PRKG1: variants seen among roughly 807,000 people sequenced by gnomAD.
PRKG1 encodes cGMP-dependent protein kinase 1.
PRKG1 carries 35 observed loss-of-function variants against 88.1 expected under a neutral mutation model. The observed-to-expected ratio is 0.40, with a 90% CI of 0.30 to 0.53. The LOEUF is 0.53. Ranked by LOEUF, PRKG1 falls within the 20% of genes least tolerant of loss-of-function variation. PRKG1 has a pLI of 0.59. For missense variants in PRKG1, 540 were observed against 839.8 expected (o/e 0.64, Z 4.41); for synonymous variants, 303 against 292.5 (o/e 1.04, Z -0.37).
At chr10:51,311,169 C>A (rs920381621) in intron 2 of PRKG1, among the ~76,000 whole-genome samples, 1 of 152,172 alleles carries the variant, frequency 6.6e-6, no homozygotes, top group Non-Finnish European at 1.5e-5. Context: ...AATACTTGAA[C>A]ACTAAAAAGA....
chr10:51,052,660 C>G (rs1359879618), intron 1 of PRKG1, among the ~76,000 whole-genome samples: 1 of 152,196 alleles, frequency 6.6e-6, no homozygotes, highest in African/African-American at 2.4e-5. Context: ...GTAGAGAATA[C>G]ATGGCTGGTA....
At chr10:52,042,191 T>C (rs1284665418) in intron 5 of PRKG1, among the ~76,000 whole-genome samples, 3 of 152,110 alleles carry the variant, frequency 2.0e-5, no homozygotes, top group Non-Finnish European at 2.9e-5. Context: ...CTCAAAATAC[T>C]AAGGGCATTC....
At chr10:51,443,312 A>C (rs1453201171) in intron 2 of PRKG1, among the ~76,000 whole-genome samples, 1 of 152,018 alleles carries the variant, frequency 6.6e-6, no homozygotes, top group African/African-American at 2.4e-5. Context: ...GGCAGAGTTG[A>C]GTAGCTGTAG....
At chr10:51,493,944 C>A (rs574473535) in intron 3 of PRKG1, among the ~76,000 whole-genome samples, 2 of 152,292 alleles carry the variant, frequency 1.3e-5, no homozygotes, top group East Asian at 3.9e-4. Context: ...GGTTCTTAGG[C>A]ATGGGCAAGC....
chr10:51,765,332 T>C (rs1574738), intron 3 of PRKG1, among the ~76,000 whole-genome samples: 67,889 of 152,114 alleles, frequency 0.45, 16,070 homozygotes, highest in African/African-American at 0.56. Context: ...AAAACTCCCT[T>C]GATTCAGGGA....
chr10:51,486,675 G>A (rs768358548), intron 3 of PRKG1, among the ~76,000 whole-genome samples: 1 of 151,992 alleles, frequency 6.6e-6, no homozygotes, highest in East Asian at 1.9e-4. Context: ...TTAAGGACTG[G>A]CAAAGCTTTA....
At chr10:51,164,152 A>G (rs1427752955) in intron 2 of PRKG1, among the ~76,000 whole-genome samples, 5 of 152,182 alleles carry the variant, frequency 3.3e-5, no homozygotes, top group Non-Finnish European at 7.4e-5. Flanking sequence ...ACCCCCCAGT[A>G]GGGGCAGACT....
At chr10:51,304,246 G>T (rs1054136401) in intron 2 of PRKG1, among the ~76,000 whole-genome samples, 1 of 57,904 alleles carries the variant, frequency 1.7e-5, no homozygotes, top group Non-Finnish European at 3.9e-5. Flanking sequence ...TTGAAAATTA[G>T]TTAGAAAAGA....
intron 3 of PRKG1, among the ~76,000 whole-genome samples, chr10:51,471,010 A>G (rs1035317800): frequency 5.9e-5 from 9 of 152,126 alleles, no homozygotes; most frequent in Middle Eastern, 3.4e-3. Flanking sequence ...AAAGAAAAAA[A>G]TCGTGGTATG....
chr10:52,142,459 G>A (rs1441393758), intron 8 of PRKG1, among the ~76,000 whole-genome samples: 1 of 152,090 alleles, frequency 6.6e-6, no homozygotes, highest in African/African-American at 2.4e-5. Context: ...AAGAGGAATT[G>A]ATGGCTTATG....
intron 3 of PRKG1, among the ~76,000 whole-genome samples, chr10:51,796,981 A>G (rs949146136): frequency 3.3e-5 from 5 of 151,820 alleles, no homozygotes; most frequent in African/African-American, 1.2e-4. Context: ...TCTTGCAAGC[A>G]TATGTGGGAG....
chr10:51,257,964 T>C (rs1839608572), intron 2 of PRKG1, among the ~76,000 whole-genome samples: 1 of 152,028 alleles, frequency 6.6e-6, no homozygotes, highest in Non-Finnish European at 1.5e-5. Flanking sequence ...ATGTCCCCTA[T>C]TGGAATTAGG....
chr10:51,671,739 A>G (rs1185546693), intron 3 of PRKG1, among the ~76,000 whole-genome samples: 1 of 152,042 alleles, frequency 6.6e-6, no homozygotes, highest in Non-Finnish European at 1.5e-5. Context: ...TGCACCTGCC[A>G]CCATGCCCAG....
chr10:51,564,645 G>A lies in PRKG1; in HGVS notation c.592+96809G>A, dbSNP rs114532329. Reference sequence around the variant, plus strand: ...GCTTCAAGATATTAAGTGTTTTTCCGTACATTATGGTCTAATTCAATGACA... The same window carrying A: ...GCTTCAAGATATTAAGTGTTTTTCCATACATTATGGTCTAATTCAATGACA... On this transcript the variant is annotated intron_variant, in intron 3 of 17. Transcript: ENST00000373980. Among the ~76,000 whole-genome samples, 727 of 152,112 alleles carry A rather than the reference G, an allele frequency of 4.8e-3. 7 individuals carry two copies. Among genetic ancestry groups the A allele is most frequent in the African/African-American group, 0.016 (665 of 41,508 alleles).
chr10:52,100,189 G>T (rs1299076345), intron 7 of PRKG1, among the ~76,000 whole-genome samples: 1 of 152,148 alleles, frequency 6.6e-6, no homozygotes, highest in Admixed American at 6.5e-5. Flanking sequence ...AAAGAGACTG[G>T]ACAGGAATCC....
At chr10:52,255,530 T>A (rs539188206) in intron 10 of PRKG1, among the ~76,000 whole-genome samples, 1 of 152,192 alleles carries the variant, frequency 6.6e-6, no homozygotes, top group Admixed American at 6.6e-5. Flanking sequence ...ACATAACCTC[T>A]GTCTTTTTGG....
chr10:51,677,314 T>G (rs1840735480), intron 3 of PRKG1, among the ~76,000 whole-genome samples: 1 of 152,214 alleles, frequency 6.6e-6, no homozygotes, highest in South Asian at 2.1e-4. Context: ...TGGACACTTT[T>G]GTACCTTTCT....
chr10:52,008,577 G>T (rs564797055), intron 5 of PRKG1, among the ~76,000 whole-genome samples: 2 of 151,974 alleles, frequency 1.3e-5, no homozygotes, highest in Non-Finnish European at 2.9e-5. Context: ...TCAACCAGAA[G>T]AAATTAAATC....
chr10:52,096,349 A>C (rs1161910548), intron 7 of PRKG1, among the ~76,000 whole-genome samples: 3 of 152,208 alleles, frequency 2.0e-5, no homozygotes, highest in African/African-American at 7.2e-5. Flanking sequence ...TCACAGCCTG[A>C]CATGGCAGCA....
Sources: gnomAD v4.1 joint callset for allele counts (sites outside exome capture counted in the v4.1 genomes callset) on GRCh38, gnomAD v4.1.1 for gene constraint, MANE v1.5 for transcripts, NCBI Gene and HGNC (gene_info 2026-07-23, HGNC 2026-07-21) for gene names.